Variants in ANKRD36C observed in about 807,000 individuals in gnomAD.
The protein encoded by ANKRD36C is ankyrin repeat domain 36C.
A neutral mutation model predicts 276.4 loss-of-function variants in ANKRD36C; 61 were observed. That is an observed-to-expected ratio of 0.22 (90% CI 0.18 to 0.27). The LOEUF (loss-of-function observed/expected upper bound fraction) is 0.27. Ranked by LOEUF, ANKRD36C falls within the 10% of genes least tolerant of loss-of-function variation. The pLI is 1.00. For synonymous variants in ANKRD36C, 483 were observed against 680.1 expected, an observed-to-expected ratio of 0.71 and a Z score of 4.51; for missense variants, 1,447 against 2,032.3, an observed-to-expected ratio of 0.71 and a Z score of 5.54.
chr2:95,973,141 C>T lies in ANKRD36C; in HGVS notation c.799+4981G>A, dbSNP rs565310622. ...CTAAAATGTATTAGTAGGCTGGGGG[C>T]GGTGGCTCACACCTGTAATCCAAAC... On this transcript the variant is annotated intron_variant, in intron 6 of 66. Transcript: ENST00000456556. 1.7e-3 allele frequency among the ~76,000 whole-genome samples: 251 copies of T among 151,444 alleles called. 1 individual carries two copies. The highest frequency in any genetic ancestry group is 0.01 in the Middle Eastern group (3 of 288).
At chr2:95,898,050 T>C (rs561630900) in intron 44 of ANKRD36C, among the ~76,000 whole-genome samples, 20 of 148,964 alleles carry the variant, frequency 1.3e-4, no homozygotes, top group African/African-American at 4.2e-4. Context: ...CTCTCAACCA[T>C]ATGGTGTAAT....
chr2:95,921,602 A>T lies in ANKRD36C; in HGVS notation c.2245+5T>A, dbSNP rs1245427688. On this transcript the variant is annotated splice_donor_5th_base_variant and intron_variant, in intron 34 of 66. Coordinates refer to ENST00000456556, the Ensembl canonical transcript of ANKRD36C. ...CATGACATTAAATGTCTTTTGCAAA[A>T]TTACCTGTCCCAGATTTTTCTCCAT... 1.2e-6 allele frequency: 2 copies of T among 1,604,386 alleles called. No individual in the cohort carries two copies. Among genetic ancestry groups the T allele is most frequent in the African/African-American group, 2.7e-5 (2 of 74,350 alleles).
chr2:95,953,704 A>T (rs1179583022), intron 14 of ANKRD36C, among the ~76,000 whole-genome samples: 1 of 151,968 alleles, frequency 6.6e-6, no homozygotes, highest in Non-Finnish European at 1.5e-5. Context: ...TGTATTTCCC[A>T]GCAATTTTTT....
chr2:95,890,878 T>G (rs1676333159), intron 46 of ANKRD36C, among the ~76,000 whole-genome samples: 1 of 151,524 alleles, frequency 6.6e-6, no homozygotes, highest in Non-Finnish European at 1.5e-5. Context: ...TAAAGAAGTT[T>G]CATGAAATAG....
At chr2:95,971,288 T>G (rs1678690986) in intron 6 of ANKRD36C, among the ~76,000 whole-genome samples, 1 of 108,434 alleles carries the variant, frequency 9.2e-6, no homozygotes. Context: ...TTATAGAAGG[T>G]ATATTTAAAT....
chr2:95,930,165 T>A lies in ANKRD36C; in HGVS notation c.1736-898A>T, dbSNP rs554404042. On this transcript the variant is annotated intron_variant, in intron 24 of 66. Transcript: ENST00000456556. ...TATTCTCTAGAGAATTTTTATTAAGTTGCTATTTTATCCAATAGCTCCTTG... is the reference window on the plus strand; with the variant it reads ...TATTCTCTAGAGAATTTTTATTAAGATGCTATTTTATCCAATAGCTCCTTG... Among the ~76,000 whole-genome samples the A allele has an allele frequency of 2.5e-4, 38 of 151,806 alleles. 1 individual carries two copies. The East Asian group carries it at 6.8e-3, about 27-fold the overall frequency.
rs201910712 is a variant in ANKRD36C at position 95,853,689 on chromosome 2, G to A, written c.5148+20C>T. 4 of 1,562,408 alleles carry A rather than the reference G, an allele frequency of 2.6e-6. No individual in the cohort carries two copies. The highest frequency in any genetic ancestry group is 3.5e-6 in the Non-Finnish European group (4 of 1,152,524). ...TAGCTACAGATTAACAGTTGTTGGT[G>A]TGCAAAGTTGCATACATACTTGACT... On this transcript the variant is annotated intron_variant, in intron 64 of 66. Coordinates refer to ENST00000456556, the Ensembl canonical transcript of ANKRD36C.
intron 17 of ANKRD36C, among the ~76,000 whole-genome samples, chr2:95,946,499 G>C (rs1197743472): frequency 7.0e-6 from 1 of 143,436 alleles, no homozygotes; most frequent in Non-Finnish European, 1.5e-5. Flanking sequence ...AGTCAGTGTG[G>C]CGATTCCTCA....
intron 42 of ANKRD36C, 137 bp from the exon 45 acceptor site, chr2:95,910,705 G>A: frequency 6.7e-7 from 1 of 1,493,888 alleles, no homozygotes; most frequent in Non-Finnish European, 9.1e-7. Context: ...CTTTGTGTCT[G>A]GGGACTAGAA....
intron 6 of ANKRD36C, among the ~76,000 whole-genome samples, chr2:95,970,107 A>C (rs1444465151): frequency 6.6e-6 from 1 of 152,138 alleles, no homozygotes; most frequent in Non-Finnish European, 1.5e-5. Context: ...TAATTCAAAA[A>C]ATCTAGATCT....
At position 95,917,790 on chromosome 2, in the gene ANKRD36C, T is replaced by G. The variant is rs1677145812; in HGVS notation, c.2347+65A>C. The G allele has an allele frequency of 2.0e-6, 3 of 1,536,990 alleles. No homozygotes were observed. In the South Asian group the frequency reaches 3.6e-5, roughly 19 times the overall value. On this transcript the variant is annotated intron_variant, in intron 36 of 66. Coordinates refer to ENST00000456556, the Ensembl canonical transcript of ANKRD36C. ...CCCCAACCGCCCTCCGCTGATTTAT[T>G]CAGGGTAGAGAAGTTCTTTTCTATC...
chr2:95,857,531 A>C, intron 61 of ANKRD36C, 39 bp from the exon 82 acceptor site: 1 of 1,516,988 alleles, frequency 6.6e-7, no homozygotes. Context: ...CTTATCAGTG[A>C]GGACTAAGCT....
intron 1 of ANKRD36C, among the ~76,000 whole-genome samples, 178 bp from the exon 2 acceptor site, chr2:95,987,384 C>T (rs1055832532): frequency 1.3e-5 from 2 of 152,100 alleles, no homozygotes; most frequent in African/African-American, 4.8e-5. Context: ...CTTTTGGATT[C>T]AGTTTAATTG....
At position 95,888,256 on chromosome 2, in the gene ANKRD36C, T is replaced by A. The variant is rs1676250004; in HGVS notation, c.2960-136A>T. 2.7e-6 allele frequency: 4 copies of A among 1,476,140 alleles called. No homozygotes were observed. The East Asian group carries it at 9.7e-5, about 36-fold the overall frequency. The allele number at this position is 1,476,140 out of a possible 1,614,324, so 91.4% of individuals were successfully genotyped here. A position where few individuals can be genotyped will look rare whatever the true frequency, so the allele number is the denominator to read the frequency against. The stretch of plus-strand genomic sequence containing the variant: ...GCTTTGATGTTTTCTACTTTGTGAC[T>A]GGGGACTGGAATATGACAGAAATAC... On this transcript the variant is annotated intron_variant, in intron 48 of 66. Transcript: ENST00000456556.
In ANKRD36C at chr2:95,857,395, T is replaced by G. The variant is rs1399961848; in HGVS notation, c.3994A>C (p.Ile1332Leu). ...ATTGGTTTTGTCACATCAGCTTCTATCCTATATTGCTCTTCTGTGATTCTT... is the reference window on the plus strand; with the variant it reads ...ATTGGTTTTGTCACATCAGCTTCTAGCCTATATTGCTCTTCTGTGATTCTT... The change falls in exon 62 of 67, where the codon ATA (isoleucine) becomes CTA (leucine). Residue 1332 changes from isoleucine (I) to leucine (L), a missense_variant. Ile to Leu is a conservative substitution (Grantham distance 5, BLOSUM62 2). Around this residue, in one of 13 missense-constraint regions of ANKRD36C, gnomAD observed 437 missense variants for 641.0 expected, o/e 0.68. Transcript: ENST00000456556. 1.9e-6 allele frequency: 3 copies of G among 1,610,122 alleles called. No homozygotes were observed. In the African/African-American group the frequency reaches 4.0e-5, roughly 22 times the overall value.
At chr2:95,873,526 T>A in intron 59 of ANKRD36C, among the ~76,000 whole-genome samples, 1 of 152,118 alleles carries the variant, frequency 6.6e-6, no homozygotes, top group Non-Finnish European at 1.5e-5. Flanking sequence ...TTCAAAATAA[T>A]AAGAGCTATC....
chr2:95,987,277 C>G, intron 1 of ANKRD36C, 71 bp from the exon 2 acceptor site: 3 of 1,480,692 alleles, frequency 2.0e-6, no homozygotes, highest in Non-Finnish European at 2.7e-6. Flanking sequence ...TCTCTGTCTT[C>G]AAAACAAATA....
At chr2:95,988,919 G>C (rs1284578546) in intron 1 of ANKRD36C, among the ~76,000 whole-genome samples, 3 of 152,110 alleles carry the variant, frequency 2.0e-5, no homozygotes, top group Non-Finnish European at 4.4e-5. Flanking sequence ...TGTAATCCCA[G>C]AACTTTGGGA....
At chr2:95,945,482 AATT>A in intron 17 of ANKRD36C, among the ~76,000 whole-genome samples, 2 of 152,292 alleles carry the variant, frequency 1.3e-5, no homozygotes, top group Non-Finnish European at 2.9e-5. Context: ...ACTCATCTGT[AATT>A]TAGAGTATGA....
Sources: gnomAD v4.1 joint callset for allele counts (sites outside exome capture counted in the v4.1 genomes callset) on GRCh38, gnomAD v4.1.1 for gene constraint, gnomAD v4.1.1 regional missense constraint, MANE v1.5 for transcripts, NCBI Gene and HGNC (gene_info 2026-07-23, HGNC 2026-07-21) for gene names.